Variants in BRD10 observed in about 807,000 individuals in gnomAD.
The protein encoded by BRD10 is bromodomain containing 10.
chr9:5,911,109 T>A, the BRD10 span, among the ~76,000 whole-genome samples: 1 of 152,256 alleles, frequency 6.6e-6, no homozygotes, highest in African/African-American at 2.4e-5. Context: ...ACTCAAGAAA[T>A]CTTTGCTCAC....
chr9:5,922,218 C>T, the BRD10 span: 1 of 1,613,966 alleles, frequency 6.2e-7, no homozygotes, highest in Admixed American at 1.7e-5. Flanking sequence ...GAAGAATCAG[C>T]AGTCTGTTGT....
chr9:5,999,834 T>C, the BRD10 span, among the ~76,000 whole-genome samples: 1 of 152,130 alleles, frequency 6.6e-6, no homozygotes, highest in East Asian at 1.9e-4. Flanking sequence ...GCCTATCAAA[T>C]AATAAGCATT....
the BRD10 span, among the ~76,000 whole-genome samples, chr9:5,923,895 T>A: frequency 6.6e-6 from 1 of 152,328 alleles, no homozygotes; most frequent in Non-Finnish European, 1.5e-5. Context: ...ACCACTCTGT[T>A]GCCCATATTA....
At chr9:5,999,980 TG>T in the BRD10 span, among the ~76,000 whole-genome samples, 1 of 152,224 alleles carries the variant, frequency 6.6e-6, no homozygotes, top group African/African-American at 2.4e-5. Context: ...TTAACTTGTA[TG>T]GTTTATTCAG....
At chr9:5,985,085 A>C in the BRD10 span, among the ~76,000 whole-genome samples, 1 of 152,252 alleles carries the variant, frequency 6.6e-6, no homozygotes, top group Non-Finnish European at 1.5e-5. Flanking sequence ...AACAGAACAC[A>C]GTTCAGAAAG....
the BRD10 span, among the ~76,000 whole-genome samples, chr9:6,001,887 C>G: frequency 2.6e-5 from 4 of 152,180 alleles, no homozygotes; most frequent in African/African-American, 9.7e-5. Flanking sequence ...CAAGATTTAT[C>G]ACCTAAAATC....
At chr9:5,886,592 T>C in the BRD10 span, among the ~76,000 whole-genome samples, 4 of 152,174 alleles carry the variant, frequency 2.6e-5, no homozygotes, top group African/African-American at 9.7e-5. Flanking sequence ...TGGTTTGGAC[T>C]CTAGAGCTCC....
chr9:5,912,079 G>C, the BRD10 span, among the ~76,000 whole-genome samples: 44 of 152,058 alleles, frequency 2.9e-4, no homozygotes, highest in African/African-American at 1.0e-3. Flanking sequence ...CAATGTTTTA[G>C]TTTTAATTGT....
the BRD10 span, among the ~76,000 whole-genome samples, chr9:5,993,844 G>A: frequency 6.6e-6 from 1 of 152,168 alleles, no homozygotes. Context: ...TGCATTTACA[G>A]GGGCAAATGG....
the BRD10 span, among the ~76,000 whole-genome samples, chr9:5,997,121 G>A: frequency 3.3e-5 from 5 of 152,192 alleles, no homozygotes; most frequent in Admixed American, 6.5e-5. Flanking sequence ...AAGTCTTAGC[G>A]CCTGCCTACC....
chr9:5,919,771 A>G, the BRD10 span: 8 of 1,613,686 alleles, frequency 5.0e-6, no homozygotes, highest in Non-Finnish European at 5.9e-6. Context: ...CAGATACAAC[A>G]ATCTGAGAGA....
the BRD10 span, among the ~76,000 whole-genome samples, chr9:5,887,181 C>T: frequency 6.6e-6 from 1 of 152,116 alleles, no homozygotes; most frequent in Non-Finnish European, 1.5e-5. Flanking sequence ...ATCGCTTGAA[C>T]CCAGGAGGTG....
the BRD10 span, among the ~76,000 whole-genome samples, chr9:5,948,172 T>A: frequency 6.6e-6 from 1 of 152,278 alleles, no homozygotes; most frequent in South Asian, 2.1e-4. Context: ...GTGTAATTTG[T>A]CCAAGCCTTA....
At chr9:5,948,685 T>C in the BRD10 span, among the ~76,000 whole-genome samples, 1,151 of 152,062 alleles carry the variant, frequency 7.6e-3, 19 homozygotes, top group African/African-American at 0.027. Flanking sequence ...GTAGATTATA[T>C]TAAAAAGCAA....
the BRD10 span, among the ~76,000 whole-genome samples, chr9:5,959,697 T>C: frequency 6.6e-6 from 1 of 152,218 alleles, no homozygotes; most frequent in African/African-American, 2.4e-5. Context: ...TAATAACCTT[T>C]TCACAGATAC....
At chr9:5,920,078 G>A in the BRD10 span, 1 of 1,613,948 alleles carries the variant, frequency 6.2e-7, no homozygotes, top group Non-Finnish European at 8.5e-7. Flanking sequence ...TATAGAACTT[G>A]CATTCCCAAA....
At chr9:5,969,783 T>A in the BRD10 span, among the ~76,000 whole-genome samples, 8 of 152,172 alleles carry the variant, frequency 5.3e-5, no homozygotes, top group Non-Finnish European at 1.2e-4. Flanking sequence ...TGACCTCAGG[T>A]GATCCGCCTG....
chr9:6,000,795 T>C, the BRD10 span, among the ~76,000 whole-genome samples: 1 of 152,242 alleles, frequency 6.6e-6, no homozygotes, highest in East Asian at 1.9e-4. Context: ...ATTATACATA[T>C]TTTAATCATA....
the BRD10 span, among the ~76,000 whole-genome samples, chr9:5,947,586 AT>A: frequency 3.3e-5 from 5 of 152,062 alleles, no homozygotes; most frequent in Non-Finnish European, 7.4e-5. Context: ...ACTAATATAT[AT>A]TCCCTCTATA....
Sources: allele counts gnomAD v4.1 joint callset (sites outside exome capture counted in the v4.1 genomes callset), GRCh38; gene constraint gnomAD v4.1.1; transcripts MANE v1.5; gene names NCBI Gene and HGNC (gene_info 2026-07-23, HGNC 2026-07-21).